LOXHD1: variants seen among roughly 807,000 people sequenced by gnomAD.
LOXHD1 encodes lipoxygenase homology PLAT domains 1.
A neutral mutation model predicts 248.2 loss-of-function variants in LOXHD1; 205 were observed. The ratio of observed to expected loss-of-function variants is 0.83; its 90% CI spans 0.74 to 0.93. The LOEUF is 0.93. Among genes scored for constraint, LOXHD1 ranks in the 40% least tolerant of loss-of-function variants. The pLI, the probability that LOXHD1 is intolerant of heterozygous loss-of-function variation, is 0.00. For synonymous variants in LOXHD1, 1,113 were observed against 1,162.8 expected (o/e 0.96, Z 0.87); for missense variants, 2,930 against 2,971.6 (o/e 0.99, Z 0.33).
intron 37 of LOXHD1, among the ~76,000 whole-genome samples, chr18:46,503,455 T>C (rs2034363740): frequency 6.6e-6 from 1 of 152,174 alleles, no homozygotes; most frequent in African/African-American, 2.4e-5. Flanking sequence ...GTGATCACTG[T>C]TGAGTGTCAT....
chr18:46,563,021 C>A, intron 18 of LOXHD1, 44 bp downstream of exon 18: 1 of 1,516,410 alleles, frequency 6.6e-7, no homozygotes, highest in Non-Finnish European at 8.9e-7. Flanking sequence ...TCTTGGTGTC[C>A]ACTGAGCCTG....
intron 12 of LOXHD1, among the ~76,000 whole-genome samples, chr18:46,583,903 G>C (rs1342242050): frequency 6.6e-6 from 1 of 151,934 alleles, no homozygotes; most frequent in African/African-American, 2.4e-5. Context: ...CATGTTTATT[G>C]CATCATCACT....
intron 2 of LOXHD1, among the ~76,000 whole-genome samples, chr18:46,645,878 G>C (rs1426013265): frequency 6.6e-6 from 1 of 152,176 alleles, no homozygotes; most frequent in Non-Finnish European, 1.5e-5. Flanking sequence ...AGAAGAAAGA[G>C]AATGTGGGAG....
At chr18:46,542,661 T>G (rs1012358210) in intron 24 of LOXHD1, 66 bp downstream of exon 24, 24 of 1,527,170 alleles carry the variant, frequency 1.6e-5, no homozygotes, top group African/African-American at 4.2e-5. Context: ...CTTTCCCAGA[T>G]GCCCACAAGG....
chr18:46,489,288 AG>A, intron 37 of LOXHD1, 146 bp from the exon 38 acceptor site: 1 of 851,450 alleles, frequency 1.2e-6, no homozygotes, highest in Non-Finnish European at 1.9e-6. Context: ...TGATAAAGTG[AG>A]GGGTTGGGTT....
At chr18:46,520,356 G>A in intron 33 of LOXHD1, 1 of 470,548 alleles carries the variant, frequency 2.1e-6, no homozygotes, top group South Asian at 1.6e-5. Context: ...TTCAGTACCA[G>A]AGATAAGGGC....
At chr18:46,500,419 CA>C (rs751857648) in intron 37 of LOXHD1, among the ~76,000 whole-genome samples, 1 of 152,220 alleles carries the variant, frequency 6.6e-6, no homozygotes, top group Non-Finnish European at 1.5e-5. Context: ...CAGGTCTTCT[CA>C]GGCAAACCTT....
chr18:46,531,798 G>C (rs1482228394), intron 28 of LOXHD1, among the ~76,000 whole-genome samples: 1 of 152,196 alleles, frequency 6.6e-6, no homozygotes, highest in African/African-American at 2.4e-5. Flanking sequence ...CAGCCCAAGT[G>C]CTCTCCTGGG....
intron 6 of LOXHD1, among the ~76,000 whole-genome samples, chr18:46,608,118 T>C (rs1361832576): frequency 2.2e-5 from 3 of 134,340 alleles, no homozygotes; most frequent in African/African-American, 8.0e-5. Context: ...ACCCTACTCC[T>C]AGATGCTGTC....
intron 37 of LOXHD1, among the ~76,000 whole-genome samples, chr18:46,495,025 G>A (rs949587707): frequency 1.3e-5 from 2 of 151,476 alleles, no homozygotes; most frequent in South Asian, 4.2e-4. Flanking sequence ...GGCTTTTTTT[G>A]TTTTGTTTTG....
intron 17 of LOXHD1, among the ~76,000 whole-genome samples, chr18:46,563,646 C>A (rs185532455): frequency 6.6e-6 from 1 of 152,116 alleles, no homozygotes; most frequent in Non-Finnish European, 1.5e-5. Context: ...AGTGATTAGG[C>A]CCCCCAAAAT....
At chr18:46,505,408 C>G (rs2034497791) in intron 37 of LOXHD1, among the ~76,000 whole-genome samples, 1 of 152,174 alleles carries the variant, frequency 6.6e-6, no homozygotes, top group Non-Finnish European at 1.5e-5. Context: ...TCTTGAACTC[C>G]TGGGGCTCAA....
At chr18:46,576,321 TCC>T (rs1260258237) in intron 14 of LOXHD1, among the ~76,000 whole-genome samples, 7 of 152,018 alleles carry the variant, frequency 4.6e-5, no homozygotes, top group African/African-American at 1.7e-4. Flanking sequence ...GCTGTACTCT[TCC>T]CCCACACCCC....
chr18:46,516,940 C>T (rs1156489096), intron 34 of LOXHD1, among the ~76,000 whole-genome samples: 1 of 152,140 alleles, frequency 6.6e-6, no homozygotes, highest in Non-Finnish European at 1.5e-5. Flanking sequence ...ATATCACCAT[C>T]CTCACTTATC....
intron 5 of LOXHD1, among the ~76,000 whole-genome samples, chr18:46,615,693 C>T (rs1304193972): frequency 6.6e-6 from 1 of 152,108 alleles, no homozygotes; most frequent in East Asian, 1.9e-4. Context: ...TCTATATACT[C>T]CCTTTAGGTC....
intron 20 of LOXHD1, among the ~76,000 whole-genome samples, chr18:46,558,321 C>T (rs2037422450): frequency 6.6e-6 from 1 of 152,102 alleles, no homozygotes; most frequent in African/African-American, 2.4e-5. Context: ...ATGGATTTCC[C>T]AAGAACAAGG....
chr18:46,491,620 C>G (rs1403933222), intron 37 of LOXHD1, among the ~76,000 whole-genome samples: 1 of 152,158 alleles, frequency 6.6e-6, no homozygotes, highest in African/African-American at 2.4e-5. Flanking sequence ...ATGGCATTAC[C>G]TGGAGACGTG....
chr18:46,495,424 TGAAA>T (rs200911872), intron 37 of LOXHD1, among the ~76,000 whole-genome samples: 8,635 of 144,824 alleles, frequency 0.06, 331 homozygotes, highest in Non-Finnish European at 0.083. Context: ...GAATAAGAAA[TGAAA>T]GAATTAGAAA....
At chr18:46,631,016 A>G (rs532982051) in intron 4 of LOXHD1, among the ~76,000 whole-genome samples, 4 of 152,124 alleles carry the variant, frequency 2.6e-5, no homozygotes, top group African/African-American at 7.2e-5. Context: ...CTTTCCACCC[A>G]TCTCTGTGGC....
Sources: gnomAD v4.1 joint callset for allele counts (sites outside exome capture counted in the v4.1 genomes callset) on GRCh38, gnomAD v4.1.1 for gene constraint, MANE v1.5 for transcripts, NCBI Gene and HGNC (gene_info 2026-07-23, HGNC 2026-07-21) for gene names.